The following GFRA2 variants were observed in gnomAD, a reference collection of about 807,000 sequenced individuals.
The protein encoded by GFRA2 is GDNF family receptor alpha-2.
A neutral mutation model predicts 48.3 loss-of-function variants in GFRA2; 17 were observed. The observed-to-expected ratio is 0.35, with a 90% CI of 0.24 to 0.53. GFRA2 has a LOEUF of 0.53. Among genes scored for constraint, GFRA2 ranks in the 20% least tolerant of loss-of-function variants. The pLI, the probability that GFRA2 is intolerant of heterozygous loss-of-function variation, is 0.93. For synonymous variants in GFRA2, 305 were observed against 257.2 expected (o/e 1.19, Z -1.78); for missense variants, 660 against 637.3 (o/e 1.04, Z -0.38).
intron 3 of GFRA2, among the ~76,000 whole-genome samples, chr8:21,765,441 C>G (rs1422229997): frequency 6.6e-6 from 1 of 151,988 alleles, no homozygotes; most frequent in Non-Finnish European, 1.5e-5. Context: ...TTCTACTTGA[C>G]TTGGCTTTTC....
intron 4 of GFRA2, among the ~76,000 whole-genome samples, chr8:21,717,240 C>CT (rs769181625): frequency 6.6e-6 from 1 of 152,160 alleles, no homozygotes; most frequent in Non-Finnish European, 1.5e-5. Context: ...CAGAACTGGC[C>CT]TTGGATTATT....
chr8:21,753,755 T>C (rs1310776832), intron 3 of GFRA2, among the ~76,000 whole-genome samples: 4 of 152,238 alleles, frequency 2.6e-5, no homozygotes, highest in Admixed American at 6.5e-5. Flanking sequence ...ACTTCACCTG[T>C]TTCTTTTTTG....
chr8:21,732,720 G>A (rs912412545), intron 4 of GFRA2, among the ~76,000 whole-genome samples: 1 of 152,246 alleles, frequency 6.6e-6, no homozygotes, highest in Admixed American at 6.5e-5. Context: ...TAGAGAGAAG[G>A]AACTTGAAGG....
chr8:21,787,621 T>C (rs1331764570), intron 1 of GFRA2, among the ~76,000 whole-genome samples: 4 of 152,230 alleles, frequency 2.6e-5, no homozygotes, highest in African/African-American at 4.8e-5. Flanking sequence ...CCCCGCGCGA[T>C]GTCCAAGCGG....
intron 2 of GFRA2, among the ~76,000 whole-genome samples, chr8:21,795,994 C>T (rs1318514026): frequency 2.0e-5 from 3 of 152,220 alleles, no homozygotes; most frequent in Non-Finnish European, 4.4e-5. Context: ...CCAGAAATCC[C>T]AGACTTCTCG....
chr8:21,694,345 T>C, intron 8 of GFRA2, 119 bp downstream of exon 8: 3 of 961,928 alleles, frequency 3.1e-6, no homozygotes, highest in Non-Finnish European at 4.7e-6. Flanking sequence ...GTCCAGAAGC[T>C]CAGCTGGCCC....
At chr8:21,791,763 A>G (rs1807577969), upstream of GFRA2, among the ~76,000 whole-genome samples, 4 of 152,218 alleles carry the variant, frequency 2.6e-5, no homozygotes, top group Non-Finnish European at 5.9e-5. Flanking sequence ...TCTGGGTTCT[A>G]GAAGAAGAAT....
In GFRA2 at chr8:21,802,619, T is replaced by C. The variant is rs372828013; in HGVS notation, c.-36+2398A>G. On this transcript the variant is annotated intron_variant, in intron 2 of 10. Transcript: ENST00000517328. ...ATCCTCCCACTTTGGCTTCCCAAAG[T>C]GCTGGGATTACAGGTGTGAGCCCCC... Among the ~76,000 whole-genome samples, 52 of 152,250 alleles carry C rather than the reference T, an allele frequency of 3.4e-4. No individual in the cohort carries two copies. In the East Asian group the frequency reaches 5.8e-3, roughly 17 times the overall value.
chr8:21,754,510 T>TTTC (rs1554493324), intron 3 of GFRA2, among the ~76,000 whole-genome samples: 1 of 144,252 alleles, frequency 6.9e-6, no homozygotes, highest in East Asian at 2.0e-4. Flanking sequence ...TTTTTCTTTT[T>TTTC]TTTTTTTTTT....
chr8:21,713,493 G>T lies in GFRA2; in HGVS notation c.795-7452C>A, dbSNP rs562890480. Among the ~76,000 whole-genome samples, 88 of 152,158 alleles carry T rather than the reference G, an allele frequency of 5.8e-4. 2 individuals carry two copies. Among genetic ancestry groups the T allele is most frequent in the African/African-American group, 2.0e-3 (84 of 41,530 alleles). Reference sequence around the variant, plus strand: ...TTATAGGTGTGAGCCACCACACCCAGCTTGGCAACAGTACTTGATGAATAC... The same window carrying T: ...TTATAGGTGTGAGCCACCACACCCATCTTGGCAACAGTACTTGATGAATAC... On this transcript the variant is annotated intron_variant, in intron 4 of 8. Coordinates refer to ENST00000524240, the MANE Select transcript of GFRA2 (RefSeq NM_001495.5).
intron 2 of GFRA2, among the ~76,000 whole-genome samples, chr8:21,798,043 G>A (rs1192065776): frequency 6.6e-6 from 1 of 152,152 alleles, no homozygotes; most frequent in African/African-American, 2.4e-5. Flanking sequence ...GTGGGCTCCA[G>A]GATGGGACAT....
chr8:21,696,531 C>T (rs578199648), intron 7 of GFRA2, among the ~76,000 whole-genome samples: 63 of 152,248 alleles, frequency 4.1e-4, no homozygotes, highest in African/African-American at 1.3e-3. Flanking sequence ...AGGGGAGCCC[C>T]GGACCTAGAC....
upstream of GFRA2, among the ~76,000 whole-genome samples, chr8:21,790,375 A>G (rs1295794250): frequency 6.6e-6 from 1 of 152,228 alleles, no homozygotes; most frequent in Admixed American, 6.5e-5. Flanking sequence ...CATGAATTTG[A>G]TAGTACCGTT....
chr8:21,782,830 G>T lies in GFRA2; in HGVS notation c.110C>A (p.Pro37Gln), dbSNP rs1291650950. ...CTCATTGGCCCGGACACAGTCCACTGGGGGGCGCCAGCCGTGGAGCTCGGG... is the reference window on the plus strand; with the variant it reads ...CTCATTGGCCCGGACACAGTCCACTTGGGGGCGCCAGCCGTGGAGCTCGGG... ...QGPELHGWRP[P>Q]VDCVRANELC... Residue 37 changes from proline to glutamine, a missense_variant, in exon 2 of 9, where the codon CCA becomes CAA. Transcript: ENST00000524240. The T allele has an allele frequency of 1.1e-5, 17 of 1,572,088 alleles. No individual in the cohort carries two copies. The Admixed American group carries it at 2.7e-4, about 25-fold the overall frequency.
At chr8:21,807,954 C>T (rs1807903186) in intron 1 of GFRA2, among the ~76,000 whole-genome samples, 1 of 152,154 alleles carries the variant, frequency 6.6e-6, no homozygotes, top group Non-Finnish European at 1.5e-5. Flanking sequence ...TTAGGGCCCA[C>T]CCTAATGACC....
intron 4 of GFRA2, chr8:21,706,499 C>T (rs1802756080): frequency 6.6e-6 from 3 of 455,356 alleles, no homozygotes; most frequent in Admixed American, 4.7e-5. Context: ...AGTCCCTTCC[C>T]TAGATGCTTC....
intron 4 of GFRA2, among the ~76,000 whole-genome samples, chr8:21,744,866 A>T (rs1324419008): frequency 2.6e-5 from 4 of 152,194 alleles, no homozygotes; most frequent in Non-Finnish European, 5.9e-5. Context: ...GACATAAGCC[A>T]AGGTTCCTGA....
At chr8:21,800,944 G>T (rs1585352767) in intron 2 of GFRA2, among the ~76,000 whole-genome samples, 1 of 138,552 alleles carries the variant, frequency 7.2e-6, no homozygotes, top group Non-Finnish European at 1.6e-5. Flanking sequence ...AAAAAAAAAA[G>T]AAGTCCAGTG....
At chr8:21,693,762 A>AGGAGAGAAGAAGG (rs1801991951) in intron 8 of GFRA2, among the ~76,000 whole-genome samples, 1 of 150,718 alleles carries the variant, frequency 6.6e-6, no homozygotes, top group Non-Finnish European at 1.5e-5. Flanking sequence ...AGAGAAGAAG[A>AGGAGAGAAGAAGG]AGGAGAGGAG....
Sources: gnomAD v4.1 joint callset for allele counts (sites outside exome capture counted in the v4.1 genomes callset) on GRCh38, gnomAD v4.1.1 for gene constraint, MANE v1.5 for transcripts, NCBI Gene and HGNC (gene_info 2026-07-23, HGNC 2026-07-21) for gene names.